Variants in NAA25 observed in about 807,000 individuals in gnomAD.
NAA25 encodes N-terminal acetyltransferase B complex subunit NAA25.
NAA25 carries 30 observed loss-of-function variants against 132.5 expected under a neutral mutation model. The observed-to-expected ratio is 0.23, with a 90% CI of 0.17 to 0.31. The LOEUF is 0.31. Ranked by LOEUF, NAA25 falls within the 10% of genes least tolerant of loss-of-function variation. The pLI is 1.00. For missense variants in NAA25, 771 were observed against 1,150.4 expected (o/e 0.67, Z 4.77); for synonymous variants, 359 against 401.9 (o/e 0.89, Z 1.28).
chr12:112,048,499 G>C, intron 15 of NAA25, 56 bp from the exon 16 acceptor site: 1 of 1,493,884 alleles, frequency 6.7e-7, no homozygotes, highest in Non-Finnish European at 9.2e-7. Context: ...GGCAATGTAA[G>C]CAAACCTTGC....
intron 23 of NAA25, among the ~76,000 whole-genome samples, chr12:112,031,496 C>G (rs1055514338): frequency 6.6e-6 from 1 of 152,070 alleles, no homozygotes; most frequent in African/African-American, 2.4e-5. Context: ...GAGATTGAAG[C>G]CTAGAGAGGT....
intron 22 of NAA25, chr12:112,037,546 T>C (rs933213241): frequency 6.8e-6 from 1 of 147,342 alleles, no homozygotes; most frequent in South Asian, 2.3e-4. Flanking sequence ...CATTATCCTA[T>C]AGCTTACTTA....
rs375793508 is a variant in NAA25, at chr12:112,043,673, C to T, written c.2202G>A (p.Leu734=). 3 of 1,614,038 alleles carry T rather than the reference C, an allele frequency of 1.9e-6. No individual in the cohort carries two copies. The highest frequency in any genetic ancestry group is 1.3e-5 in the African/African-American group (1 of 74,904). Residue 734 remains leucine, a synonymous_variant, in exon 18 of 24, where the codon CTG becomes CTA. Coordinates refer to ENST00000261745, the MANE Select transcript of NAA25 (RefSeq NM_024953.4). Reference sequence around the variant, plus strand: ...GCTTTCCTGTCTCCAGGGTTGCCTCCAGCTGTTGAAGGAGCAAACGAAGAA... The same window carrying T: ...GCTTTCCTGTCTCCAGGGTTGCCTCTAGCTGTTGAAGGAGCAAACGAAGAA... The part of the protein sequence containing the change: ...IDILRLLLQQ[L]EATLETGKRF...
rs1360548041 is a variant in NAA25, at chr12:112,054,399, A to G, written c.1617T>C (p.His539=). 6.2e-7 allele frequency: 1 copy of G among 1,614,038 alleles called. No individual in the cohort carries two copies. Among genetic ancestry groups the G allele is most frequent in the East Asian group, 2.2e-5 (1 of 44,890 alleles). ...YSSLDAKHIQ[H]DTIGYLLTRY... The stretch of plus-strand genomic sequence containing the variant: ...TATATACTACCAACCCAATGGTATC[A>G]TGCTGGATATGCTTAGCATCGAGGC... The change falls in exon 14 of 24, where the codon CAT becomes CAC. Residue 539 remains histidine, a synonymous_variant. Coordinates refer to ENST00000261745, the MANE Select transcript of NAA25 (RefSeq NM_024953.4).
At position 112,070,575 on chromosome 12, in the gene NAA25, A is replaced by AT. The variant is rs1275599754; in HGVS notation, c.1036+1319dup. On this transcript the variant is annotated intron_variant, in intron 10 of 23. Transcript: ENST00000261745. ...TTTTGACTGTTTTTATTTTTTTTTA[A>AT]TTTTTTGTTGTTTTGCGACAGAGTC... is the stretch of plus-strand genomic sequence containing the variant. Among the ~76,000 whole-genome samples, 4 of 151,538 alleles carry AT rather than the reference A, an allele frequency of 2.6e-5. No homozygotes were observed. In the East Asian group the frequency reaches 5.8e-4, roughly 22 times the overall value.
chr12:112,064,165 TATG>T (rs1412140150), intron 11 of NAA25: 3 of 152,250 alleles, frequency 2.0e-5, no homozygotes, highest in Non-Finnish European at 2.9e-5. Flanking sequence ...TTTTAATCAT[TATG>T]ATCAGATATA....
At chr12:112,084,393 G>A (rs2079014079) in intron 4 of NAA25, among the ~76,000 whole-genome samples, 1 of 152,228 alleles carries the variant, frequency 6.6e-6, no homozygotes, top group Admixed American at 6.5e-5. Context: ...CATTAAATGT[G>A]TGAAATACCT....
intron 20 of NAA25, among the ~76,000 whole-genome samples, chr12:112,041,818 A>T (rs1025368412): frequency 6.6e-6 from 1 of 152,194 alleles, no homozygotes; most frequent in Non-Finnish European, 1.5e-5. Flanking sequence ...AAAGTCAAAA[A>T]AGCATGGATT....
intron 12 of NAA25, 80 bp downstream of exon 12, chr12:112,061,101 T>A: frequency 9.3e-7 from 1 of 1,079,424 alleles, no homozygotes; most frequent in Non-Finnish European, 1.4e-6. Context: ...TAAAACAGGG[T>A]GCTACAGGTG....
intron 9 of NAA25, among the ~76,000 whole-genome samples, chr12:112,073,384 C>A (rs2136890566): frequency 6.6e-6 from 1 of 152,220 alleles, no homozygotes; most frequent in African/African-American, 2.4e-5. Context: ...CAAGCATCAG[C>A]TCATAACTGT....
rs1451433806 is a variant in NAA25, at chr12:112,055,485, A to G, written c.1448-917T>C. Among the ~76,000 whole-genome samples, 6 of 152,192 alleles carry G rather than the reference A, an allele frequency of 3.9e-5. No individual in the cohort carries two copies. The South Asian group carries it at 1.2e-3, about 31-fold the overall frequency. ...TGAGGTGGGAGGATCACTTGAGCCC[A>G]CAAGTTTGAGACCAGCCTGAACAAC... On this transcript the variant is annotated intron_variant, in intron 13 of 23. Transcript: ENST00000261745.
chr12:112,093,250 A>C, intron 1 of NAA25, 114 bp from the exon 2 acceptor site: 2 of 614,230 alleles, frequency 3.3e-6, no homozygotes, highest in African/African-American at 1.9e-5. Flanking sequence ...TATATAAAAC[A>C]TCATGGAGGC....
intron 15 of NAA25, among the ~76,000 whole-genome samples, chr12:112,051,213 T>A (rs1038616227): frequency 6.6e-6 from 1 of 152,166 alleles, no homozygotes; most frequent in Non-Finnish European, 1.5e-5. Flanking sequence ...AGCTGTACCA[T>A]ATTTTTCTTT....
At chr12:112,074,863 T>C (rs2078873061) in intron 8 of NAA25, 99 bp from the exon 9 acceptor site, 3 of 807,344 alleles carry the variant, frequency 3.7e-6, no homozygotes, top group Non-Finnish European at 5.9e-6. Flanking sequence ...AGTTATATTT[T>C]AGTATGTAGT....
chr12:112,074,755 G>C lies in NAA25; in HGVS notation c.786C>G (p.Asp262Glu). 1 of 1,609,716 alleles carries C rather than the reference G, an allele frequency of 6.2e-7. No homozygotes were observed. The change falls in exon 9 of 24, where the codon GAC (aspartate) becomes GAG (glutamate). Residue 262 changes from aspartate to glutamate, a missense_variant. Transcript: ENST00000261745. The stretch of plus-strand genomic sequence containing the variant: ...CGAAATAAGTCAGATAGAACTGCCA[G>C]TCATCTGAGCTAAAATCAGATTGAA... ...SRRLLLKNSDDWQFYLTYFDS... is the reference protein window; with the variant it reads ...SRRLLLKNSDEWQFYLTYFDS...
intron 19 of NAA25, 118 bp downstream of exon 19, chr12:112,042,970 G>T: frequency 1.0e-6 from 1 of 967,628 alleles, no homozygotes; most frequent in Non-Finnish European, 1.5e-6. Flanking sequence ...CACATTTGCA[G>T]AACAGCTTCC....
At chr12:112,100,191 C>A (rs1238097563) in intron 1 of NAA25, among the ~76,000 whole-genome samples, 3 of 152,210 alleles carry the variant, frequency 2.0e-5, no homozygotes, top group Non-Finnish European at 1.5e-5. Flanking sequence ...ATGACAGAGT[C>A]TTGCTCTGTC....
intron 1 of NAA25, among the ~76,000 whole-genome samples, chr12:112,106,078 G>A (rs188529145): frequency 3.9e-4 from 60 of 152,240 alleles, no homozygotes; most frequent in Admixed American, 1.9e-3. Context: ...CTGAATTCAC[G>A]GACAGTCTGT....
At chr12:112,052,647 T>C (rs1013258274) in intron 15 of NAA25, among the ~76,000 whole-genome samples, 1 of 152,162 alleles carries the variant, frequency 6.6e-6, no homozygotes, top group Non-Finnish European at 1.5e-5. Context: ...AAGAATTAGA[T>C]GGAAGATAGA....
Sources: gnomAD v4.1 joint callset for allele counts (sites outside exome capture counted in the v4.1 genomes callset) on GRCh38, gnomAD v4.1.1 for gene constraint, MANE v1.5 for transcripts, NCBI Gene and HGNC (gene_info 2026-07-23, HGNC 2026-07-21) for gene names.